KCNT2: variants seen among roughly 807,000 people sequenced by gnomAD.
KCNT2 encodes potassium sodium-activated channel subfamily T member 2, also known as potassium channel subfamily T member 2.
KCNT2 carries 67 observed loss-of-function variants against 153.8 expected under a neutral mutation model. That is an observed-to-expected ratio of 0.44 (90% CI 0.36 to 0.53). The LOEUF (loss-of-function observed/expected upper bound fraction) is 0.53. Ranked by LOEUF, KCNT2 falls within the 20% of genes least tolerant of loss-of-function variation. The pLI is 0.00. For synonymous variants in KCNT2, 500 were observed against 458.8 expected, an observed-to-expected ratio of 1.09 and a Z score of -1.15; for missense variants, 975 against 1,354.8, an observed-to-expected ratio of 0.72 and a Z score of 4.40.
chr1:196,367,867 A>C (rs2148305260), intron 14 of KCNT2, among the ~76,000 whole-genome samples: 1 of 152,288 alleles, frequency 6.6e-6, no homozygotes, highest in African/African-American at 2.4e-5. Flanking sequence ...GAAAGCCTTA[A>C]ATATAGCCTC....
At chr1:196,269,976 T>C (rs549094080) in intron 25 of KCNT2, among the ~76,000 whole-genome samples, 6 of 152,238 alleles carry the variant, frequency 3.9e-5, no homozygotes, top group African/African-American at 1.4e-4. Flanking sequence ...TGTTTCTCCA[T>C]CATATGACTC....
At chr1:196,461,079 AC>A (rs1207791557) in intron 8 of KCNT2, among the ~76,000 whole-genome samples, 1 of 151,722 alleles carries the variant, frequency 6.6e-6, no homozygotes, top group East Asian at 1.9e-4. Flanking sequence ...GGCAATTAAC[AC>A]CATTAGACCA....
In KCNT2 at chr1:196,331,956, G is replaced by A. The variant is rs191416137; in HGVS notation, c.1998-695C>T. 3.9e-5 allele frequency among the ~76,000 whole-genome samples: 6 copies of A among 152,022 alleles called. No individual in the cohort carries two copies. In the East Asian group the frequency reaches 5.8e-4, roughly 15 times the overall value. On this transcript the variant is annotated intron_variant, in intron 17 of 27. Coordinates refer to ENST00000294725, the MANE Select transcript of KCNT2 (RefSeq NM_198503.5). Reference sequence around the variant, plus strand: ...TAAAAAACAGCCAACAGCATATTTCGGCTATACTGACTTTCAGAATGAAAC... The same window carrying A: ...TAAAAAACAGCCAACAGCATATTTCAGCTATACTGACTTTCAGAATGAAAC...
At chr1:196,534,355 C>A (rs949840366) in intron 1 of KCNT2, among the ~76,000 whole-genome samples, 2 of 152,050 alleles carry the variant, frequency 1.3e-5, no homozygotes, top group African/African-American at 4.8e-5. Flanking sequence ...CACAATGGGC[C>A]AGGTGCATTA....
chr1:196,317,611 C>T (rs1662852866), intron 20 of KCNT2, among the ~76,000 whole-genome samples: 1 of 151,502 alleles, frequency 6.6e-6, no homozygotes, highest in South Asian at 2.1e-4. Context: ...TTATAATTAC[C>T]TATATAGGAA....
chr1:196,298,571 G>A (rs867019310), intron 22 of KCNT2, among the ~76,000 whole-genome samples: 7 of 151,952 alleles, frequency 4.6e-5, no homozygotes, highest in Admixed American at 3.3e-4. Context: ...TTCGCCAACC[G>A]GGAAGCAATC....
intron 8 of KCNT2, among the ~76,000 whole-genome samples, chr1:196,460,933 A>T (rs886460531): frequency 2.0e-5 from 3 of 151,794 alleles, no homozygotes; most frequent in Non-Finnish European, 4.4e-5. Context: ...AATTTAAACC[A>T]TAGCAGGAAG....
At chr1:196,248,674 A>G (rs1249406910) in intron 26 of KCNT2, among the ~76,000 whole-genome samples, 2 of 152,128 alleles carry the variant, frequency 1.3e-5, no homozygotes, top group Admixed American at 6.6e-5. Flanking sequence ...CAGCAAAGAA[A>G]AGCCTCAGAC....
rs767819660 is a variant in KCNT2, at chr1:196,331,198, G to A, written c.2061C>T (p.Leu687=). 2.5e-6 allele frequency: 4 copies of A among 1,609,768 alleles called. No homozygotes were observed. Among genetic ancestry groups the A allele is most frequent in the East Asian group, 4.5e-5 (2 of 44,730 alleles). The part of the protein sequence containing the change: ...YIGSSPTFCH[L]LHEKVPFCCL... ...AGCAAAATGGTACTTTTTCATGAAG[G>A]AGATGACAAAAAGTGGGTGAACTTC... The change falls in exon 18 of 28, where the codon CTC becomes CTT. Residue 687 remains leucine, a synonymous_variant. Transcript: ENST00000294725.
Position 196,227,881 on chromosome 1 carries a change from A to T in KCNT2, c.*343T>A, listed in dbSNP as rs1291419477. On this transcript the variant is annotated 3_prime_UTR_variant, in exon 28 of 28. Transcript: ENST00000294725. ...CATTCTGTGTCCATTGTGATGCACC[A>T]AATATAGTTAGATTTTGTCAACTTC... 14 of 177,824 alleles carry T rather than the reference A, an allele frequency of 7.9e-5. No homozygotes were observed. The allele number at this position is 177,824 out of a possible 1,614,324, so 11.0% of individuals were successfully genotyped here. A position where few individuals can be genotyped will look rare whatever the true frequency, so the allele number is the denominator to read the frequency against.
At position 196,284,248 on chromosome 1, in the gene KCNT2, A is replaced by AAAAAAAAAAAAAAATAT; in HGVS notation, c.2697+1408_2697+1409insATATTTTTTTTTTTTTT. Among the ~76,000 whole-genome samples, 3 of 10,042 alleles carry AAAAAAAAAAAAAAATAT rather than the reference A, an allele frequency of 3.0e-4. 1 individual carries two copies. The highest frequency in any genetic ancestry group is 1.6e-3 in the Non-Finnish European group (3 of 1,880). The allele number at this position is 10,042 out of a possible 152,430, so 6.6% of individuals were successfully genotyped here. A position where few individuals can be genotyped will look rare whatever the true frequency, so the allele number is the denominator to read the frequency against. ...TCTGTCTTAAAAAAAAAAAAAAAAA[A>AAAAAAAAAAAAAAATAT]ATATATATATATATATATATATATA... On this transcript the variant is annotated intron_variant, in intron 23 of 27. Transcript: ENST00000294725.
At chr1:196,389,349 A>C (rs879763612) in intron 13 of KCNT2, among the ~76,000 whole-genome samples, 5 of 151,652 alleles carry the variant, frequency 3.3e-5, no homozygotes, top group African/African-American at 4.8e-5. Flanking sequence ...GCCTTACAAA[A>C]TCACTATAAA....
chr1:196,512,505 C>T (rs1466934270), intron 1 of KCNT2, among the ~76,000 whole-genome samples: 1 of 152,142 alleles, frequency 6.6e-6, no homozygotes, highest in Non-Finnish European at 1.5e-5. Context: ...ATCTATTCTT[C>T]TCATGGTTCA....
Position 196,258,286 on chromosome 1 carries a change from C to T in KCNT2, c.3119G>A (p.Arg1040Gln). Reference sequence around the variant, plus strand: ...TTCTGACCTCCTGTAGAGGTTCAGTCGCTGCTGGGTTATTTTTTCAGCTGT... The same window carrying T: ...TTCTGACCTCCTGTAGAGGTTCAGTTGCTGCTGGGTTATTTTTTCAGCTGT... ...GKTAEKITQQ[R>Q]LNLYRRSERQ... Residue 1040 changes from arginine (R) to glutamine (Q), a missense_variant, in exon 26 of 28, where the codon CGA becomes CAA. Physicochemically the swap from Arg to Gln is conservative, Grantham distance 43. Coordinates refer to ENST00000294725, the MANE Select transcript of KCNT2 (RefSeq NM_198503.5). The T allele has an allele frequency of 7.4e-6, 12 of 1,614,030 alleles. No homozygotes were observed. Among genetic ancestry groups the T allele is most frequent in the Non-Finnish European group, 1.0e-5 (12 of 1,179,984 alleles).
intron 22 of KCNT2, among the ~76,000 whole-genome samples, chr1:196,296,548 T>C (rs927203561): frequency 2.6e-5 from 4 of 152,012 alleles, no homozygotes; most frequent in African/African-American, 7.2e-5. Context: ...AACTAATTAT[T>C]TGAACATTTT....
chr1:196,593,293 A>ATT (rs1296197709), intron 1 of KCNT2, among the ~76,000 whole-genome samples: 2 of 92,604 alleles, frequency 2.2e-5, no homozygotes, highest in South Asian at 4.0e-4. Flanking sequence ...CATCATATAT[A>ATT]TAATATATAT....
intron 1 of KCNT2, among the ~76,000 whole-genome samples, chr1:196,602,840 G>C (rs1372501600): frequency 7.5e-5 from 10 of 132,536 alleles, no homozygotes; most frequent in Admixed American, 5.8e-4. Flanking sequence ...ACTGCGGACT[G>C]CAGTGGCGCA....
At chr1:196,401,152 C>T (rs528214555) in intron 12 of KCNT2, among the ~76,000 whole-genome samples, 66 of 151,940 alleles carry the variant, frequency 4.3e-4, no homozygotes, top group African/African-American at 1.5e-3. Context: ...ATTTGTGAAG[C>T]ACTACCAACC....
rs142788514 is a variant in KCNT2 at position 196,551,357 on chromosome 1, A to G, written c.95+56858T>C. On this transcript the variant is annotated intron_variant, in intron 1 of 27. Transcript: ENST00000294725. ...TAGGGCTAGATGGAATAGAAGAACCAGTGGCAGGTAGATGTGGGGATTCTG... is the reference window on the plus strand; with the variant it reads ...TAGGGCTAGATGGAATAGAAGAACCGGTGGCAGGTAGATGTGGGGATTCTG... Among the ~76,000 whole-genome samples, 559 of 151,978 alleles carry G rather than the reference A, an allele frequency of 3.7e-3. 3 individuals are homozygous for G. Among genetic ancestry groups the G allele is most frequent in the African/African-American group, 0.013 (523 of 41,516 alleles).
Sources: gnomAD v4.1 joint callset for allele counts (sites outside exome capture counted in the v4.1 genomes callset) on GRCh38, gnomAD v4.1.1 for gene constraint, MANE v1.5 for transcripts, NCBI Gene and HGNC (gene_info 2026-07-23, HGNC 2026-07-21) for gene names.